The following SLC7A14 variants were observed in gnomAD, a reference collection of about 807,000 sequenced individuals.
SLC7A14 encodes the protein solute carrier family 7 member 14.
Under a neutral mutation model 60.2 loss-of-function variants are expected in SLC7A14, and 37 were observed. The ratio of observed to expected loss-of-function variants is 0.61; its 90% CI spans 0.47 to 0.81. The LOEUF is 0.81. Ranked by LOEUF, SLC7A14 falls within the 30% of genes least tolerant of loss-of-function variation. The pLI, the probability that SLC7A14 is intolerant of heterozygous loss-of-function variation, is 0.00. For missense variants in SLC7A14, 886 were observed against 982.7 expected (o/e 0.90, Z 1.32); for synonymous variants, 399 against 395.8 (o/e 1.01, Z -0.10).
chr3:170,541,944 T>C (rs886437661), intron 1 of SLC7A14, among the ~76,000 whole-genome samples: 6 of 152,232 alleles, frequency 3.9e-5, no homozygotes, highest in Non-Finnish European at 5.9e-5. Flanking sequence ...CTGTTCCTGA[T>C]CATGCAGAAA....
chr3:170,486,375 G>A lies in SLC7A14; in HGVS notation c.760-7C>T, dbSNP rs745813906. ...TTGCTGCTCCTTGCAGCACCTGTGT[G>A]GATGATGGCATTTGTCAGACTCAGA... On this transcript the variant is annotated splice_region_variant and splice_polypyrimidine_tract_variant and intron_variant, in intron 4 of 7. Coordinates refer to ENST00000231706, the MANE Select transcript of SLC7A14 (RefSeq NM_020949.3). The A allele has an allele frequency of 6.2e-7, 1 of 1,614,168 alleles. No homozygotes were observed. Among genetic ancestry groups the A allele is most frequent in the South Asian group, 1.1e-5 (1 of 91,082 alleles).
chr3:170,542,169 A>G (rs530802345), intron 1 of SLC7A14, among the ~76,000 whole-genome samples: 138 of 152,272 alleles, frequency 9.1e-4, no homozygotes, highest in African/African-American at 3.3e-3. Context: ...AAGAGGCAGG[A>G]TTCTCCCAGT....
intron 1 of SLC7A14, among the ~76,000 whole-genome samples, chr3:170,575,058 A>G (rs1715053777): frequency 6.6e-6 from 1 of 152,240 alleles, no homozygotes; most frequent in Non-Finnish European, 1.5e-5. Flanking sequence ...AAATATACAG[A>G]GACTAGATTA....
At chr3:170,541,924 G>A (rs888573708) in intron 1 of SLC7A14, among the ~76,000 whole-genome samples, 3 of 152,286 alleles carry the variant, frequency 2.0e-5, no homozygotes, top group South Asian at 2.1e-4. Flanking sequence ...CCAGAATAAC[G>A]TGCATGCTCC....
In SLC7A14 at chr3:170,480,507, T is replaced by C. The variant is rs558986021; in HGVS notation, c.1775A>G (p.Glu592Gly). ...FIIFGSDYIS[E>G]QSWWAILLVV... ...CAGAAGGATGGCCCACCAGCTCTGC[T>C]CTGAGATGTAGTCAGAACCAAAGAT... Residue 592 changes from glutamate (E) to glycine (G), a missense_variant, in exon 7 of 8, where the codon GAG (glutamate) becomes GGG (glycine). By Grantham distance (98) the Glu-to-Gly change is moderately conservative (BLOSUM62 -2). Transcript: ENST00000231706. 6.2e-7 allele frequency: 1 copy of C among 1,614,180 alleles called. No individual in the cohort carries two copies. Among genetic ancestry groups the C allele is most frequent in the Non-Finnish European group, 8.5e-7 (1 of 1,180,034 alleles).
intron 4 of SLC7A14, chr3:170,495,758 C>G (rs1036426444): frequency 4.2e-6 from 5 of 1,180,798 alleles, no homozygotes; most frequent in Non-Finnish European, 6.4e-6. Flanking sequence ...CCTCCTTCAT[C>G]GACAAGGTAC....
chr3:170,499,452 C>T (rs1712535872), intron 3 of SLC7A14, among the ~76,000 whole-genome samples: 1 of 151,904 alleles, frequency 6.6e-6, no homozygotes, highest in African/African-American at 2.4e-5. Flanking sequence ...TACAACAGCG[C>T]CTATGAAACC....
chr3:170,524,856 A>T (rs1713443322), intron 2 of SLC7A14, among the ~76,000 whole-genome samples: 1 of 152,224 alleles, frequency 6.6e-6, no homozygotes, highest in Admixed American at 6.5e-5. Flanking sequence ...GGAGAAGGGG[A>T]TAAATGGTAA....
In SLC7A14 at chr3:170,500,164, C is replaced by T. The variant is rs537158503; in HGVS notation, c.541+945G>A. The stretch of plus-strand genomic sequence containing the variant: ...ATCAGGCATCAAGATGGAGAGTGGC[C>T]GGGCACAGTGGCTCATGCTTGTAAT... On this transcript the variant is annotated intron_variant, in intron 3 of 7. Transcript: ENST00000231706. 4.6e-5 allele frequency among the ~76,000 whole-genome samples: 7 copies of T among 152,122 alleles called. No individual in the cohort carries two copies. The East Asian group carries it at 5.8e-4, about 13-fold the overall frequency.
chr3:170,553,602 G>A (rs1259313118), intron 1 of SLC7A14, among the ~76,000 whole-genome samples: 2 of 152,218 alleles, frequency 1.3e-5, no homozygotes, highest in Non-Finnish European at 2.9e-5. Context: ...TCCCATGTGA[G>A]ATGTTCAAGG....
chr3:170,495,056 G>T (rs1395609518), intron 4 of SLC7A14, among the ~76,000 whole-genome samples: 1 of 152,138 alleles, frequency 6.6e-6, no homozygotes, highest in Admixed American at 6.5e-5. Flanking sequence ...TTGTTTTAAG[G>T]GTGAGATACT....
At chr3:170,548,512 C>T (rs1315398100) in intron 1 of SLC7A14, among the ~76,000 whole-genome samples, 8 of 152,208 alleles carry the variant, frequency 5.3e-5, no homozygotes, top group Non-Finnish European at 1.2e-4. Context: ...TCTGGGTCTT[C>T]ACAGTAGCTG....
At chr3:170,506,378 T>C (rs918558700) in intron 2 of SLC7A14, among the ~76,000 whole-genome samples, 8 of 152,234 alleles carry the variant, frequency 5.3e-5, no homozygotes, top group Non-Finnish European at 8.8e-5. Context: ...TGTGGTTAAA[T>C]TGATAATTTG....
At chr3:170,472,761 C>A (rs1416154395) in intron 7 of SLC7A14, among the ~76,000 whole-genome samples, 1 of 145,130 alleles carries the variant, frequency 6.9e-6, no homozygotes, top group Admixed American at 6.8e-5. Flanking sequence ...AGTGAAGACT[C>A]CGTCTCAAAA....
rs904699748 is a variant in SLC7A14, at chr3:170,480,419, G to C, written c.1863C>G (p.Asn621Lys). Residue 621 changes from asparagine (N) to lysine (K), a missense_variant, in exon 7 of 8, where the codon AAC becomes AAG. Transcript: ENST00000231706. Reference sequence around the variant, plus strand: ...GGGCCATGTAGGGCAGCTTCTTGGGGTTCTCTGGCTGCTGCAGGATCACAA... The same window carrying C: ...GGGCCATGTAGGGCAGCTTCTTGGGCTTCTCTGGCTGCTGCAGGATCACAA... The part of the protein sequence containing the change: ...LVFVILQQPE[N>K]PKKLPYMAPC... 2 of 1,613,482 alleles carry C rather than the reference G, an allele frequency of 1.2e-6. No homozygotes were observed. Among genetic ancestry groups the C allele is most frequent in the African/African-American group, 1.3e-5 (1 of 74,924 alleles).
chr3:170,559,183 A>G (rs982652750), intron 1 of SLC7A14, among the ~76,000 whole-genome samples: 1 of 152,238 alleles, frequency 6.6e-6, no homozygotes, highest in Admixed American at 6.5e-5. Context: ...GTGTTTTCAG[A>G]GTCGTGCCAA....
rs551148914 is a variant in SLC7A14 at position 170,536,807 on chromosome 3, A to ATT, written c.-152-9721_-152-9720dup. Among the ~76,000 whole-genome samples the ATT allele has an allele frequency of 2.1e-3, 321 of 152,324 alleles. 1 individual carries two copies. Among genetic ancestry groups the ATT allele is most frequent in the African/African-American group, 7.3e-3 (304 of 41,578 alleles). On this transcript the variant is annotated intron_variant, in intron 1 of 7. Coordinates refer to ENST00000231706, the MANE Select transcript of SLC7A14 (RefSeq NM_020949.3). ...GCATAAGGTGGCTTTTTGCACAAAA[A>ATT]TTCTGGTCTCCTCATCCCAAATGTG... is the stretch of plus-strand genomic sequence containing the variant.
intron 4 of SLC7A14, among the ~76,000 whole-genome samples, chr3:170,494,631 G>C (rs1447224552): frequency 6.6e-6 from 1 of 152,240 alleles, no homozygotes; most frequent in Non-Finnish European, 1.5e-5. Context: ...CTAAACTAGA[G>C]TGTGTGCCGT....
intron 2 of SLC7A14, among the ~76,000 whole-genome samples, chr3:170,504,330 A>T (rs1577520036): frequency 1.3e-5 from 2 of 152,060 alleles, no homozygotes; most frequent in South Asian, 2.1e-4. Context: ...AATTTTTTTT[A>T]AATTTTTTTA....
Sources: allele counts gnomAD v4.1 joint callset (sites outside exome capture counted in the v4.1 genomes callset), GRCh38; gene constraint gnomAD v4.1.1; transcripts MANE v1.5; gene names NCBI Gene and HGNC (gene_info 2026-07-23, HGNC 2026-07-21).